The following SATB2 variants were observed in gnomAD, a reference collection of about 807,000 sequenced individuals.
The protein encoded by SATB2 is DNA-binding protein SATB2.
SATB2 carries 1 observed loss-of-function variant against 73.4 expected under a neutral mutation model. That is an observed-to-expected ratio of 0.01 (90% CI 0.00 to 0.06). The LOEUF is 0.06. Ranked by LOEUF, SATB2 falls within the 10% of genes least tolerant of loss-of-function variation. The pLI is 1.00. For synonymous variants in SATB2, 397 were observed against 367.0 expected (o/e 1.08, Z -0.93); for missense variants, 459 against 945.8 (o/e 0.49, Z 6.75).
At chr2:199,388,744 A>G (rs1385511285) in intron 3 of SATB2, among the ~76,000 whole-genome samples, 1 of 152,098 alleles carries the variant, frequency 6.6e-6, no homozygotes, top group African/African-American at 2.4e-5. Flanking sequence ...TCCCTGGAAA[A>G]GATCTCCACA....
intron 3 of SATB2, among the ~76,000 whole-genome samples, chr2:199,385,066 T>C (rs1483212457): frequency 6.6e-6 from 1 of 152,220 alleles, no homozygotes; most frequent in Non-Finnish European, 1.5e-5. Context: ...ATTTCTTCCA[T>C]CCTTGCTCCT....
rs1329063419 is a variant in SATB2 at position 199,272,738 on chromosome 2, C to T, written c.1741-66G>A. 2 of 1,414,986 alleles carry T rather than the reference C, an allele frequency of 1.4e-6. No individual in the cohort carries two copies. Among genetic ancestry groups the T allele is most frequent in the Admixed American group, 3.4e-5 (2 of 59,612 alleles). 87.7% of individuals were successfully genotyped at this position (1,414,986 alleles called of 1,614,324 possible). A position where few individuals can be genotyped will look rare whatever the true frequency, so the allele number is the denominator to read the frequency against. ...ATTTTACCTTTCCAAAACCATCAGC[C>T]CTCTGAAATATGTGTTATCTATCTA... On this transcript the variant is annotated intron_variant, in intron 10 of 10. Transcript: ENST00000417098. This position sits in a 1 kb window ranked among gnomAD's most constrained non-coding sequence, Gnocchi z 6.7.
chr2:199,456,246 G>T, intron 1 of SATB2, 150 bp from the exon 2 acceptor site: 1 of 648,420 alleles, frequency 1.5e-6, no homozygotes, highest in South Asian at 1.8e-5. Context: ...GAGCCGGGAA[G>T]CCGGTCCCAA....
At chr2:199,425,695 CTA>C (rs1691306204) in intron 3 of SATB2, among the ~76,000 whole-genome samples, 1 of 151,964 alleles carries the variant, frequency 6.6e-6, no homozygotes, top group African/African-American at 2.4e-5. Flanking sequence ...AATTATATAT[CTA>C]TATATGTTAA....
At chr2:199,338,858 A>G (rs1407386270) in intron 7 of SATB2, among the ~76,000 whole-genome samples, 1 of 150,212 alleles carries the variant, frequency 6.7e-6, no homozygotes, top group Non-Finnish European at 1.5e-5. Flanking sequence ...CAGAGGTTGC[A>G]GTGAGCAGAG....
Position 199,435,265 on chromosome 2 carries a change from C to T in SATB2, c.170-1751G>A, listed in dbSNP as rs184665204. Among the ~76,000 whole-genome samples, 533 of 152,200 alleles carry T rather than the reference C, an allele frequency of 3.5e-3. 1 individual carries two copies. Among genetic ancestry groups the T allele is most frequent in the Non-Finnish European group, 6.3e-3 (429 of 68,006 alleles). The stretch of plus-strand genomic sequence containing the variant: ...ATATATTTTTTAATTGTGATCATTA[C>T]TGGTATATGAAATGCTTATTTATTT... On this transcript the variant is annotated intron_variant, in intron 2 of 10. Transcript: ENST00000417098.
At position 199,328,933 on chromosome 2, in the gene SATB2, C is replaced by A. The variant is rs192830760; in HGVS notation, c.1174-23G>T. The A allele has an allele frequency of 1.6e-5, 25 of 1,576,598 alleles. No individual in the cohort carries two copies. The East Asian group carries it at 5.1e-4, about 32-fold the overall frequency. ...TCCCTGATTAAATGGGGGAAAAAAA[C>A]AGACCAAGTCACATTTGCAGGTATA... On this transcript the variant is annotated intron_variant, in intron 7 of 10. Transcript: ENST00000417098.
chr2:199,278,110 G>A (rs1290411899), intron 10 of SATB2, among the ~76,000 whole-genome samples: 1 of 152,134 alleles, frequency 6.6e-6, no homozygotes, highest in East Asian at 1.9e-4. Flanking sequence ...GTGGGGAGGG[G>A]AAGTTATTTG....
At chr2:199,436,851 G>C (rs1018781840) in intron 2 of SATB2, among the ~76,000 whole-genome samples, 5 of 151,284 alleles carry the variant, frequency 3.3e-5, no homozygotes, top group Admixed American at 2.6e-4. Flanking sequence ...GAAAGAGAGA[G>C]AGAGAGAGAG....
intron 7 of SATB2, chr2:199,346,857 A>G (rs904670221): frequency 1.2e-4 from 15 of 124,368 alleles, no homozygotes; most frequent in African/African-American, 4.2e-4. Context: ...TTTTCACTTA[A>G]CTTTTTTTTT....
At chr2:199,419,633 G>A (rs915817874) in intron 3 of SATB2, among the ~76,000 whole-genome samples, 2 of 152,148 alleles carry the variant, frequency 1.3e-5, no homozygotes, top group African/African-American at 2.4e-5. Context: ...ATACTCAGCT[G>A]CTCCCTCCGC....
chr2:199,278,882 C>A (rs1297546468), intron 10 of SATB2, among the ~76,000 whole-genome samples: 3 of 152,048 alleles, frequency 2.0e-5, no homozygotes, highest in African/African-American at 7.2e-5. Flanking sequence ...TTAAAAACAG[C>A]CCTGGGTTAA....
intron 10 of SATB2, among the ~76,000 whole-genome samples, chr2:199,276,170 A>G (rs1303499438): frequency 6.6e-6 from 1 of 152,198 alleles, no homozygotes; most frequent in Non-Finnish European, 1.5e-5. Flanking sequence ...CCTAATGCCT[A>G]TAAGATGGTC....
intron 3 of SATB2, chr2:199,423,966 C>A (rs71424226): frequency 0.14 from 21,030 of 152,212 alleles, 1,787 homozygotes; most frequent in East Asian, 0.45. Context: ...CTGAGGGGGA[C>A]CTCTGCGCTG....
chr2:199,279,872 A>G (rs1692429051), intron 10 of SATB2, among the ~76,000 whole-genome samples: 1 of 152,252 alleles, frequency 6.6e-6, no homozygotes, highest in Non-Finnish European at 1.5e-5. Context: ...CAGGCACGGT[A>G]GATGATGCCT....
intron 3 of SATB2, among the ~76,000 whole-genome samples, chr2:199,403,536 C>T (rs538813553): frequency 6.6e-6 from 1 of 152,110 alleles, no homozygotes; most frequent in East Asian, 1.9e-4. Flanking sequence ...TCCTTCACAT[C>T]ATTTTGTATT....
intron 7 of SATB2, among the ~76,000 whole-genome samples, chr2:199,337,571 G>A (rs754989756): frequency 3.9e-5 from 6 of 152,270 alleles, no homozygotes; most frequent in Non-Finnish European, 8.8e-5. Context: ...AGGTAGAAAT[G>A]AGATATAGCT....
At chr2:199,418,122 A>C (rs992820344) in intron 3 of SATB2, among the ~76,000 whole-genome samples, 2 of 152,220 alleles carry the variant, frequency 1.3e-5, no homozygotes, top group Admixed American at 6.5e-5. Context: ...GGGCAATGTA[A>C]AGCACTTTAT....
chr2:199,322,970 TTAAC>T (rs1238118156), intron 9 of SATB2, among the ~76,000 whole-genome samples: 1 of 152,020 alleles, frequency 6.6e-6, no homozygotes, highest in Non-Finnish European at 1.5e-5. Context: ...AAATTATGCT[TTAAC>T]TAACTTTTAT....
Sources: gnomAD v4.1 joint callset for allele counts (sites outside exome capture counted in the v4.1 genomes callset) on GRCh38, gnomAD v4.1.1 for gene constraint, Gnocchi (gnomAD v3.1) non-coding constraint, MANE v1.5 for transcripts, NCBI Gene and HGNC (gene_info 2026-07-23, HGNC 2026-07-21) for gene names.